The following SUMF1 variants were observed in gnomAD, a reference collection of about 807,000 sequenced individuals.
SUMF1 encodes the protein formylglycine-generating enzyme.
SUMF1 carries 48 observed loss-of-function variants against 47.6 expected under a neutral mutation model. The ratio of observed to expected loss-of-function variants is 1.01; its 90% CI spans 0.80 to 1.28. The LOEUF (loss-of-function observed/expected upper bound fraction) is 1.28. SUMF1 is among the 50% of genes most tolerant of loss of function. SUMF1 has a pLI of 0.00. For synonymous variants in SUMF1, 230 were observed against 192.1 expected (o/e 1.20, Z -1.63); for missense variants, 571 against 485.4 (o/e 1.18, Z -1.66).
At chr3:4,357,304 T>C (rs1357644544), downstream of SUMF1, among the ~76,000 whole-genome samples, 1 of 133,270 alleles carries the variant, frequency 7.5e-6, no homozygotes, top group Non-Finnish European at 1.5e-5. Flanking sequence ...AAGCACTATG[T>C]TTACGGTGGT....
chr3:4,042,004 C>A (rs1056093402), intron 9 of SUMF1, among the ~76,000 whole-genome samples: 2 of 152,126 alleles, frequency 1.3e-5, no homozygotes, highest in African/African-American at 4.8e-5. Flanking sequence ...ACCTACAATG[C>A]TGAATTAAAT....
At chr3:4,389,911 G>T (rs922438336) in intron 7 of SUMF1, among the ~76,000 whole-genome samples, 2 of 151,976 alleles carry the variant, frequency 1.3e-5, no homozygotes, top group African/African-American at 4.8e-5. Context: ...TTCTCCCATG[G>T]TTTCTTTAAA....
chr3:4,039,026 G>T lies in SUMF1; in HGVS notation c.1191+29543C>A, dbSNP rs144636565. 8.4e-3 allele frequency among the ~76,000 whole-genome samples: 1,282 copies of T among 151,914 alleles called. 9 individuals carry two copies. Among genetic ancestry groups the T allele is most frequent in the African/African-American group, 0.028 (1,180 of 41,446 alleles). ...AATATTTACATTTTGTTTGAAAAGAGAACTACCTAAATGCAACAGCAATGG... is the reference window on the plus strand; with the variant it reads ...AATATTTACATTTTGTTTGAAAAGATAACTACCTAAATGCAACAGCAATGG... On this transcript the variant is annotated intron_variant and NMD_transcript_variant, in intron 9 of 12. Transcript: ENST00000448413.
chr3:4,430,491 G>T (rs995796581), intron 3 of SUMF1, among the ~76,000 whole-genome samples: 1 of 152,018 alleles, frequency 6.6e-6, no homozygotes, highest in Non-Finnish European at 1.5e-5. Context: ...TCTCATATAG[G>T]CTCGCTAGGA....
At chr3:4,044,980 T>A (rs1223871954) in intron 9 of SUMF1, among the ~76,000 whole-genome samples, 1 of 152,240 alleles carries the variant, frequency 6.6e-6, no homozygotes, top group Admixed American at 6.5e-5. Flanking sequence ...GCTCTGCAAC[T>A]TCCTACCCTC....
rs891162651 is a variant in SUMF1, at chr3:4,118,744, A to T, written c.1015-49999T>A. On this transcript the variant is annotated intron_variant and NMD_transcript_variant, in intron 8 of 12. Transcript: ENST00000448413. ...AACATTTGTCATGTGACCACTCCCC[A>T]ACCCTCCCTTAATTTCTAGAATGTC... Among the ~76,000 whole-genome samples, 3 of 151,990 alleles carry T rather than the reference A, an allele frequency of 2.0e-5. No individual in the cohort carries two copies. The South Asian group carries it at 6.2e-4, about 32-fold the overall frequency.
intron 8 of SUMF1, among the ~76,000 whole-genome samples, chr3:4,209,058 A>C (rs1695717768): frequency 6.6e-6 from 1 of 152,152 alleles, no homozygotes; most frequent in Non-Finnish European, 1.5e-5. Flanking sequence ...GTGTAGAATC[A>C]GTATGATTTC....
At chr3:4,445,440 T>C (rs1702748036) in intron 3 of SUMF1, among the ~76,000 whole-genome samples, 1 of 152,134 alleles carries the variant, frequency 6.6e-6, no homozygotes, top group African/African-American at 2.4e-5. Flanking sequence ...TGGGCTCAAG[T>C]GATCCTCCCA....
At chr3:4,213,686 CA>C (rs754053397) in intron 8 of SUMF1, among the ~76,000 whole-genome samples, 6 of 152,088 alleles carry the variant, frequency 3.9e-5, no homozygotes, top group Non-Finnish European at 7.4e-5. Flanking sequence ...CAAAGACACA[CA>C]TAGGCTCAAA....
chr3:4,113,775 C>G (rs1693363653), intron 8 of SUMF1, among the ~76,000 whole-genome samples: 1 of 151,898 alleles, frequency 6.6e-6, no homozygotes, highest in African/African-American at 2.4e-5. Flanking sequence ...AGATCAGGAT[C>G]AGGAAAAAAG....
chr3:4,404,554 T>A (rs916353001), intron 7 of SUMF1, among the ~76,000 whole-genome samples: 3 of 152,086 alleles, frequency 2.0e-5, no homozygotes, highest in African/African-American at 7.2e-5. Flanking sequence ...TGTCAGGAGT[T>A]CGAGACCAAC....
chr3:4,176,655 T>A (rs536594951), intron 8 of SUMF1, among the ~76,000 whole-genome samples: 5 of 152,268 alleles, frequency 3.3e-5, no homozygotes, highest in Admixed American at 2.6e-4. Flanking sequence ...ACCAGTCAAC[T>A]TCATAATGAG....
chr3:4,379,341 T>C (rs980160247), intron 7 of SUMF1, among the ~76,000 whole-genome samples: 1 of 152,166 alleles, frequency 6.6e-6, no homozygotes. Flanking sequence ...CTGGTGTCCT[T>C]ATAAGATGAG....
At chr3:4,273,834 C>G (rs13099716) in intron 8 of SUMF1, among the ~76,000 whole-genome samples, 25,785 of 47,910 alleles carry the variant, frequency 0.54, 8,424 homozygotes, top group African/African-American at 0.78. Flanking sequence ...GAGGGCATGG[C>G]AAGGGAGGGC....
chr3:4,080,547 A>C (rs1324988813), intron 8 of SUMF1, among the ~76,000 whole-genome samples: 1 of 152,162 alleles, frequency 6.6e-6, no homozygotes, highest in Non-Finnish European at 1.5e-5. Flanking sequence ...GACAAAATCC[A>C]GGTTTTTATT....
intron 1 of SUMF1, among the ~76,000 whole-genome samples, chr3:4,456,845 CGT>C (rs144252545): frequency 7.5e-5 from 6 of 80,414 alleles, no homozygotes; most frequent in South Asian, 3.3e-4. Flanking sequence ...TATATATATA[CGT>C]GTGTGTATAT....
intron 9 of SUMF1, among the ~76,000 whole-genome samples, chr3:4,048,838 C>T (rs1303848783): frequency 6.6e-6 from 1 of 152,084 alleles, no homozygotes; most frequent in African/African-American, 2.4e-5. Context: ...GGCAGGTTAC[C>T]AACCTAATTT....
In SUMF1 at chr3:4,467,096, G is replaced by C. The variant is rs761237429; in HGVS notation, c.150C>G (p.Cys50Trp). Residue 50 changes from cysteine (C) to tryptophan (W), a missense_variant, in exon 1 of 9, where the codon TGC becomes TGG. Physicochemically the swap from Cys to Trp is radical, Grantham distance 215 (BLOSUM62 -2). Transcript: ENST00000272902. ...CAGGCCGCTGGGGCGTGCCGCAGCC[G>C]CAAGAACCCGCAAGGGACCCCGCGC... is the stretch of plus-strand genomic sequence containing the variant. ...GAGAGSLAGS[C>W]GCGTPQRPGA... The C allele has an allele frequency of 4.5e-6, 7 of 1,560,616 alleles. No individual in the cohort carries two copies. In the African/African-American group the frequency reaches 6.8e-5, roughly 15 times the overall value.
intron 8 of SUMF1, among the ~76,000 whole-genome samples, chr3:4,147,865 G>C (rs1018372637): frequency 6.6e-6 from 1 of 151,984 alleles, no homozygotes; most frequent in African/African-American, 2.4e-5. Flanking sequence ...TCTTAAGTTA[G>C]TCAGCTAGCC....
Sources: allele counts gnomAD v4.1 joint callset (sites outside exome capture counted in the v4.1 genomes callset), GRCh38; gene constraint gnomAD v4.1.1; transcripts MANE v1.5; gene names NCBI Gene and HGNC (gene_info 2026-07-23, HGNC 2026-07-21).